The following NEO1 variants were observed in gnomAD, a reference collection of about 807,000 sequenced individuals.
NEO1 encodes neogenin 1.
Under a neutral mutation model 159.7 loss-of-function variants are expected in NEO1, and 63 were observed. The observed-to-expected ratio is 0.39, with a 90% CI of 0.32 to 0.49. The LOEUF is 0.49. NEO1 is among the 20% of genes least tolerant of loss of function. The pLI, the probability that NEO1 is intolerant of heterozygous loss-of-function variation, is 0.85. For missense variants in NEO1, 1,615 were observed against 1,831.0 expected, an observed-to-expected ratio of 0.88 and a Z score of 2.15; for synonymous variants, 633 against 662.0, an observed-to-expected ratio of 0.96 and a Z score of 0.67.
chr15:73,137,961 TAGA>T (rs1449907719), intron 5 of NEO1, among the ~76,000 whole-genome samples: 4 of 152,100 alleles, frequency 2.6e-5, no homozygotes, highest in African/African-American at 9.7e-5. Context: ...ATAGGTGTCT[TAGA>T]GGAGAGAAAG....
chr15:73,288,913 T>C lies in NEO1; in HGVS notation c.3650-233T>C, dbSNP rs540529110. Among the ~76,000 whole-genome samples the C allele has an allele frequency of 2.2e-4, 34 of 152,334 alleles. 1 individual carries two copies. The highest frequency in any genetic ancestry group is 8.2e-4 in the African/African-American group (34 of 41,580). On this transcript the variant is annotated intron_variant, in intron 24 of 28. Transcript: ENST00000261908. ...AACATTCTTGGTCTGGAGGCTCTTA[T>C]AGACACCCTGTGAAGTATGGTGGGC...
Position 73,143,304 on chromosome 15 carries a change from G to A in NEO1, c.1015+7277G>A, listed in dbSNP as rs145142698. 2.6e-3 allele frequency: 410 copies of A among 155,444 alleles called. 1 individual carries two copies. Among genetic ancestry groups the A allele is most frequent in the African/African-American group, 9.5e-3 (396 of 41,748 alleles). 9.6% of individuals were successfully genotyped at this position (155,444 alleles called of 1,614,324 possible). ...GCCCTGGTGCCCAGTGGCACTGAAA[G>A]CATAGTCTAGAGATACATTCAGTTT... is the stretch of plus-strand genomic sequence containing the variant. On this transcript the variant is annotated intron_variant, in intron 5 of 28. Coordinates refer to ENST00000261908, the MANE Select transcript of NEO1 (RefSeq NM_002499.4).
intron 18 of NEO1, 22 bp from the exon 19 acceptor site, chr15:73,272,433 T>C: frequency 1.9e-6 from 3 of 1,570,636 alleles, no homozygotes; most frequent in Non-Finnish European, 1.8e-6. Flanking sequence ...CAGAAATTAT[T>C]AAAAATTTTG....
intron 8 of NEO1, among the ~76,000 whole-genome samples, chr15:73,239,783 C>T (rs1029321563): frequency 2.0e-5 from 3 of 152,220 alleles, no homozygotes; most frequent in African/African-American, 7.2e-5. Context: ...TTTGTCAGAA[C>T]ATATCCCTGT....
intron 13 of NEO1, chr15:73,255,463 A>G (rs2040293953): frequency 6.6e-6 from 1 of 152,200 alleles, no homozygotes; most frequent in African/African-American, 2.4e-5. Context: ...AAGGAGGGGA[A>G]GTAGAGTTGG....
chr15:73,122,229 T>C (rs1440150224), intron 2 of NEO1, among the ~76,000 whole-genome samples: 1 of 151,506 alleles, frequency 6.6e-6, no homozygotes, highest in East Asian at 1.9e-4. Flanking sequence ...AAAACCATGA[T>C]GTTTACACTG....
intron 1 of NEO1, among the ~76,000 whole-genome samples, chr15:73,098,520 A>G (rs1023245968): frequency 2.0e-5 from 3 of 152,088 alleles, no homozygotes; most frequent in Admixed American, 1.3e-4. Flanking sequence ...TTTTTCTCCA[A>G]ACTTACTTGT....
intron 1 of NEO1, among the ~76,000 whole-genome samples, chr15:73,102,218 T>C (rs2070439847): frequency 6.6e-6 from 1 of 151,940 alleles, no homozygotes; most frequent in Non-Finnish European, 1.5e-5. Flanking sequence ...ATACAAAAAT[T>C]AGCTGGGCGT....
At chr15:73,078,509 T>C (rs1213832120) in intron 1 of NEO1, among the ~76,000 whole-genome samples, 7 of 152,144 alleles carry the variant, frequency 4.6e-5, no homozygotes, top group Non-Finnish European at 1.0e-4. Flanking sequence ...AAGGGCTCTG[T>C]TTATCTAAAA....
chr15:73,176,627 G>A (rs1042820423), intron 6 of NEO1, 70 bp downstream of exon 6: 1 of 1,237,974 alleles, frequency 8.1e-7, no homozygotes, highest in Admixed American at 2.5e-5. Context: ...GTCACCGAGA[G>A]ATCAGTTATC....
intron 1 of NEO1, among the ~76,000 whole-genome samples, chr15:73,068,223 A>ACCCCCCCCCCC (rs1555421033): frequency 3.6e-4 from 30 of 82,970 alleles, no homozygotes; most frequent in Admixed American, 5.6e-4. Flanking sequence ...TTGTCCCCCT[A>ACCCCCCCCCCC]CCCCCCCCCC....
At chr15:73,247,919 TC>T (rs1171679605) in intron 9 of NEO1, among the ~76,000 whole-genome samples, 1 of 152,158 alleles carries the variant, frequency 6.6e-6, no homozygotes, top group East Asian at 1.9e-4. Flanking sequence ...GATCCAGTCT[TC>T]CAGTCACATA....
At chr15:73,077,664 A>G (rs1417251658) in intron 1 of NEO1, among the ~76,000 whole-genome samples, 3 of 152,254 alleles carry the variant, frequency 2.0e-5, no homozygotes, top group South Asian at 2.1e-4. Context: ...TATTCATTCA[A>G]CAAGCATTTA....
intron 3 of NEO1, 141 bp downstream of exon 3, chr15:73,122,941 G>C (rs1048571024): frequency 7.8e-6 from 8 of 1,024,904 alleles, no homozygotes; most frequent in Non-Finnish European, 1.1e-5. Context: ...AGGTTGAAGC[G>C]GGTGGATCAC....
At chr15:73,098,457 TTA>T (rs905119010) in intron 1 of NEO1, among the ~76,000 whole-genome samples, 1 of 152,164 alleles carries the variant, frequency 6.6e-6, no homozygotes, top group African/African-American at 2.4e-5. Flanking sequence ...GTATTAAAAG[TTA>T]TATATATGTG....
At chr15:73,135,865 T>C (rs1285008125) in intron 4 of NEO1, 26 bp from the exon 5 acceptor site, 2 of 230,584 alleles carry the variant, frequency 8.7e-6, no homozygotes, top group South Asian at 1.4e-4. Context: ...AAATGTATCT[T>C]TTTTTTTTTT....
At position 73,257,132 on chromosome 15, in the gene NEO1, C is replaced by CAAAAAAAAAAAAAAAAA. The variant is rs10623334; in HGVS notation, c.2093-1629_2093-1613dup. Reference sequence around the variant, plus strand: ...GGGCAACAGAGAGAGACTCTGTCTCCAAAAAAAAAAAAAAAAAAAAAGTTT... The same window carrying CAAAAAAAAAAAAAAAAA: ...GGGCAACAGAGAGAGACTCTGTCTCCAAAAAAAAAAAAAAAAAAAAAAAAAAAAAAAAAAAAAAGTTT... On this transcript the variant is annotated intron_variant, in intron 13 of 28. Transcript: ENST00000261908. Among the ~76,000 whole-genome samples, 12 of 54,776 alleles carry CAAAAAAAAAAAAAAAAA rather than the reference C, an allele frequency of 2.2e-4. 2 individuals carry two copies. The highest frequency in any genetic ancestry group is 7.0e-4 in the African/African-American group (12 of 17,186). 35.9% of individuals were successfully genotyped at this position (54,776 alleles called of 152,430 possible).
intron 1 of NEO1, among the ~76,000 whole-genome samples, chr15:73,054,372 A>G (rs908963668): frequency 2.0e-5 from 3 of 152,264 alleles, no homozygotes; most frequent in African/African-American, 2.4e-5. Flanking sequence ...TGGTCTTAAC[A>G]TCTGTTTCAA....
chr15:73,085,084 C>A (rs1164562766), intron 1 of NEO1, among the ~76,000 whole-genome samples: 1 of 139,346 alleles, frequency 7.2e-6, no homozygotes, highest in Non-Finnish European at 1.6e-5. Flanking sequence ...ATCATTAGTT[C>A]AGTTAAAAAA....
Sources: gnomAD v4.1 joint callset for allele counts (sites outside exome capture counted in the v4.1 genomes callset) on GRCh38, gnomAD v4.1.1 for gene constraint, MANE v1.5 for transcripts, NCBI Gene and HGNC (gene_info 2026-07-23, HGNC 2026-07-21) for gene names.